The following LRP5 variants were observed in gnomAD, a reference collection of about 807,000 sequenced individuals.
LRP5 encodes low-density lipoprotein receptor-related protein 5.
LRP5 carries 62 observed loss-of-function variants against 154.1 expected under a neutral mutation model. The ratio of observed to expected loss-of-function variants is 0.40; its 90% confidence interval spans 0.33 to 0.50. LRP5 has a LOEUF of 0.50. LRP5 is among the 20% of genes least tolerant of loss of function. The pLI is 0.55. For missense variants in LRP5, 1,915 were observed against 2,336.7 expected (o/e 0.82, Z 3.72); for synonymous variants, 966 against 1,011.5 (o/e 0.96, Z 0.85).
chr11:68,306,504 T>C, the LRP5 span, among the ~76,000 whole-genome samples: 2 of 152,172 alleles, frequency 1.3e-5, no homozygotes, highest in Admixed American at 1.3e-4. Flanking sequence ...CACGATGAGC[T>C]CCTCATCTCA....
Position 68,363,731 on chromosome 11 carries a change from G to A in LRP5, c.687-16G>A, listed in dbSNP as rs753204569. The A allele has an allele frequency of 6.2e-7, 1 of 1,608,118 alleles. No homozygotes were observed. Among genetic ancestry groups the A allele is most frequent in the Non-Finnish European group, 8.5e-7 (1 of 1,177,070 alleles). The stretch of plus-strand genomic sequence containing the variant: ...ACCCTCCTGATGGCTCCTCCACCCC[G>A]CTTCCCTGACTGCAGGCAGAAGGTG... On this transcript the variant is annotated splice_polypyrimidine_tract_variant and intron_variant, in intron 3 of 22. Transcript: ENST00000294304.
intron 1 of LRP5, among the ~76,000 whole-genome samples, chr11:68,330,362 C>T (rs1447262109): frequency 6.6e-6 from 1 of 152,258 alleles, no homozygotes; most frequent in African/African-American, 2.4e-5. Flanking sequence ...AAGATCTCTG[C>T]TGTGCAGTAT....
In LRP5 at chr11:68,439,758, C is replaced by T. The variant is rs2153181930; in HGVS notation, c.4349-19C>T. 6.2e-7 allele frequency: 1 copy of T among 1,606,686 alleles called. No homozygotes were observed. The highest frequency in any genetic ancestry group is 1.7e-4 in the Middle Eastern group (1 of 6,058). On this transcript the variant is annotated intron_variant, in intron 20 of 22. Transcript: ENST00000294304. ...TGAGCCTGGAAGCCACCTGACCTCC[C>T]CCGTCCCTTCCCTGCCAGGCATCGC...
the LRP5 span, among the ~76,000 whole-genome samples, chr11:68,302,208 G>A: frequency 4.6e-5 from 7 of 151,696 alleles, no homozygotes; most frequent in African/African-American, 1.5e-4. Flanking sequence ...TTAGCTGGGC[G>A]TGGTGGTGCC....
intron 1 of LRP5, among the ~76,000 whole-genome samples, chr11:68,319,401 A>T (rs2098595437): frequency 6.6e-6 from 1 of 151,896 alleles, no homozygotes; most frequent in Non-Finnish European, 1.5e-5. Flanking sequence ...TGTCGTTGAG[A>T]TGGGTGTCTT....
chr11:68,409,073 A>AAAAAAAAATATATATATATATAT (rs2098657548), intron 9 of LRP5, among the ~76,000 whole-genome samples: 3 of 44,178 alleles, frequency 6.8e-5, no homozygotes, highest in African/African-American at 2.6e-4. Flanking sequence ...AAAAAAAAAA[A>AAAAAAAAATATATATATATATAT]ATATATATAT....
At chr11:68,373,609 A>G (rs2098635629) in intron 5 of LRP5, among the ~76,000 whole-genome samples, 1 of 152,200 alleles carries the variant, frequency 6.6e-6, no homozygotes, top group Admixed American at 6.5e-5. Context: ...TCTGCAGCTC[A>G]GAGTCACTCT....
intron 14 of LRP5, 53 bp from the exon 15 acceptor site, chr11:68,425,049 G>A: frequency 6.4e-7 from 1 of 1,562,040 alleles, no homozygotes. Context: ...GCTCCGTGCT[G>A]TCCGAGGAGA....
At chr11:68,392,396 C>G (rs1326595654) in intron 7 of LRP5, among the ~76,000 whole-genome samples, 2 of 151,934 alleles carry the variant, frequency 1.3e-5, no homozygotes, top group Admixed American at 1.3e-4. Flanking sequence ...CCCAGCTACT[C>G]GGGAGGCTGA....
intron 7 of LRP5, among the ~76,000 whole-genome samples, chr11:68,400,636 G>A (rs1210161510): frequency 6.6e-6 from 1 of 152,102 alleles, no homozygotes; most frequent in Admixed American, 6.5e-5. Context: ...GCTAAGGCAG[G>A]AGAATCGCTT....
chr11:68,364,356 A>ATG (rs201962983), intron 4 of LRP5, among the ~76,000 whole-genome samples: 13,722 of 127,090 alleles, frequency 0.11, 812 homozygotes, highest in Admixed American at 0.24. Context: ...ATATACATAT[A>ATG]TATGTGTGTG....
chr11:68,344,740 C>A (rs978532876), intron 1 of LRP5, among the ~76,000 whole-genome samples: 1 of 151,822 alleles, frequency 6.6e-6, no homozygotes, highest in Non-Finnish European at 1.5e-5. Flanking sequence ...CCGTAAGTAC[C>A]TCATATAAAT....
At chr11:68,373,810 C>G (rs149270134) in intron 5 of LRP5, among the ~76,000 whole-genome samples, 2 of 152,368 alleles carry the variant, frequency 1.3e-5, no homozygotes, top group African/African-American at 4.8e-5. Context: ...TGCTGTTCCT[C>G]ACTGCCACCC....
intron 13 of LRP5, among the ~76,000 whole-genome samples, chr11:68,420,949 G>A (rs376935842): frequency 2.6e-5 from 4 of 152,168 alleles, no homozygotes; most frequent in African/African-American, 7.2e-5. Context: ...CTCAGGGGCC[G>A]GGCGCGGTGG....
Position 68,413,615 on chromosome 11 carries a change from AC to A in LRP5, c.2504-70del. 7.2e-7 allele frequency: 1 copy of A among 1,380,398 alleles called. No individual in the cohort carries two copies. The allele number at this position is 1,380,398 out of a possible 1,614,324, so 85.5% of individuals were successfully genotyped here. On this transcript the variant is annotated intron_variant, in intron 11 of 22. Coordinates refer to ENST00000294304, the MANE Select transcript of LRP5 (RefSeq NM_002335.4). This position sits in a 1 kb window ranked among gnomAD's most constrained non-coding sequence, Gnocchi z 5.1. ...AGGCTGCAGGGTTGAACCCTGGCTC[AC>A]CCCGCAGGGCGCCGTGTGCTCTGTG... is the stretch of plus-strand genomic sequence containing the variant.
rs931583330 is a variant in LRP5, at chr11:68,438,611, A to G, written c.4277A>G (p.Tyr1426Cys). The part of the protein sequence containing the change: ...AGANGPFPHE[Y>C]VSGTPHVPLN... ...GCCAACGGGCCCTTCCCGCACGAGT[A>G]TGTCAGCGGGACCCCGCACGTGCCC... is the stretch of plus-strand genomic sequence containing the variant. The change falls in exon 20 of 23, where the codon TAT (tyrosine) becomes TGT (cysteine). Residue 1426 changes from tyrosine (Y) to cysteine (C), a missense_variant. This residue lies in a region of LRP5 where 1,094 missense variants were observed against 1,210.1 expected (regional missense o/e 0.90). Transcript: ENST00000294304. The G allele has an allele frequency of 3.7e-6, 6 of 1,613,740 alleles. No homozygotes were observed. The highest frequency in any genetic ancestry group is 2.2e-5 in the East Asian group (1 of 44,886).
rs1356867205 is a variant in LRP5, at chr11:68,372,423, C to T, written c.1015+6721C>T. On this transcript the variant is annotated intron_variant, in intron 5 of 22. Transcript: ENST00000294304. ...GTGCAGTGTCAGGCAGACCCGGGAC[C>T]GTGGCGGCGAGGAGGTGCAGCGTCA... 1.6e-4 allele frequency among the ~76,000 whole-genome samples: 23 copies of T among 141,282 alleles called. 1 individual carries two copies. Among genetic ancestry groups the T allele is most frequent in the African/African-American group, 5.7e-4 (21 of 36,618 alleles). The allele number at this position is 141,282 out of a possible 152,430, so 92.7% of individuals were successfully genotyped here.
intron 1 of LRP5, among the ~76,000 whole-genome samples, chr11:68,322,466 C>T (rs1020042759): frequency 6.6e-6 from 1 of 152,204 alleles, no homozygotes; most frequent in South Asian, 2.1e-4. Context: ...CGTGCCCATT[C>T]TCCAGCATCT....
chr11:68,408,760 G>A (rs1336626392), intron 9 of LRP5, among the ~76,000 whole-genome samples: 1 of 151,922 alleles, frequency 6.6e-6, no homozygotes, highest in African/African-American at 2.4e-5. Flanking sequence ...TGCGTGTGCT[G>A]GTTACAGCCG....
Sources: gnomAD v4.1 joint callset for allele counts (sites outside exome capture counted in the v4.1 genomes callset) on GRCh38, gnomAD v4.1.1 for gene constraint, gnomAD v4.1.1 regional missense constraint, Gnocchi (gnomAD v3.1) non-coding constraint, MANE v1.5 for transcripts, NCBI Gene and HGNC (gene_info 2026-07-23, HGNC 2026-07-21) for gene names.